ZNF827: variants seen among roughly 807,000 people sequenced by gnomAD.
The protein encoded by ZNF827 is zinc finger protein 827.
In ZNF827, 13 loss-of-function variants were observed where a neutral mutation model predicts 102.4. That is an observed-to-expected ratio of 0.13 (90% CI 0.08 to 0.20). The LOEUF (loss-of-function observed/expected upper bound fraction) is 0.20. ZNF827 is among the 10% of genes least tolerant of loss of function. The pLI is 1.00. For synonymous variants in ZNF827, 523 were observed against 536.2 expected (o/e 0.98, Z 0.34); for missense variants, 1,103 against 1,344.4 (o/e 0.82, Z 2.81).
At chr4:145,849,252 A>G (rs1239788345) in intron 6 of ZNF827, 70 bp downstream of exon 6, 1 of 1,535,744 alleles carries the variant, frequency 6.5e-7, no homozygotes, top group Non-Finnish European at 8.7e-7. Context: ...TTTTTTTAAA[A>G]AAAACTGTGT....
chr4:145,825,877 A>C (rs1223811233), intron 7 of ZNF827, among the ~76,000 whole-genome samples: 2 of 152,220 alleles, frequency 1.3e-5, no homozygotes, highest in Non-Finnish European at 2.9e-5. Flanking sequence ...TGCATAGAAA[A>C]GAAAAGATTT....
chr4:145,859,071 T>C (rs1747455559), intron 5 of ZNF827, among the ~76,000 whole-genome samples: 1 of 152,208 alleles, frequency 6.6e-6, no homozygotes. Context: ...TACTTCACTC[T>C]TGTTGGTCAA....
chr4:145,864,979 C>T (rs1748052308), intron 5 of ZNF827, among the ~76,000 whole-genome samples: 1 of 152,130 alleles, frequency 6.6e-6, no homozygotes, highest in Non-Finnish European at 1.5e-5. Flanking sequence ...AGGGAAAATA[C>T]CAAATAAGCA....
intron 1 of ZNF827, among the ~76,000 whole-genome samples, chr4:145,930,227 C>T (rs1753703524): frequency 6.6e-6 from 1 of 152,222 alleles, no homozygotes; most frequent in African/African-American, 2.4e-5. Flanking sequence ...AGCACAGTAG[C>T]TTGTTTCAAA....
intron 8 of ZNF827, among the ~76,000 whole-genome samples, chr4:145,812,657 A>T (rs544795234): frequency 2.6e-5 from 4 of 152,090 alleles, no homozygotes; most frequent in Non-Finnish European, 2.9e-5. Context: ...CCTCCTGGGT[A>T]GGTGGGACTA....
chr4:145,829,465 T>G (rs1424730953), intron 7 of ZNF827, among the ~76,000 whole-genome samples: 1 of 152,228 alleles, frequency 6.6e-6, no homozygotes, highest in East Asian at 1.9e-4. Context: ...TTATCATATA[T>G]TCAGCCATAT....
At position 145,878,646 on chromosome 4, in the gene ZNF827, A is replaced by G. The variant is rs1232320311; in HGVS notation, c.1747+7032T>C. Among the ~76,000 whole-genome samples, 5 of 146,670 alleles carry G rather than the reference A, an allele frequency of 3.4e-5. 1 individual carries two copies. The highest frequency in any genetic ancestry group is 3.4e-4 in the Admixed American group (5 of 14,894). On this transcript the variant is annotated intron_variant, in intron 4 of 14. Coordinates refer to ENST00000508784, the MANE Select transcript of ZNF827 (RefSeq NM_001306215.2). ...AAAGGAAAGGAAAGGAAAGGAAAGGAAAGGAAAGGAAAGGGAGAGAGAGAA... is the reference window on the plus strand; with the variant it reads ...AAAGGAAAGGAAAGGAAAGGAAAGGGAAGGAAAGGAAAGGGAGAGAGAGAA...
intron 8 of ZNF827, among the ~76,000 whole-genome samples, chr4:145,787,733 A>T (rs1739095975): frequency 6.6e-6 from 1 of 152,154 alleles, no homozygotes; most frequent in African/African-American, 2.4e-5. Context: ...TTCAGGTGAC[A>T]GTTCTATCAA....
At chr4:145,827,057 G>A (rs1743758293) in intron 7 of ZNF827, among the ~76,000 whole-genome samples, 2 of 152,170 alleles carry the variant, frequency 1.3e-5, no homozygotes, top group Non-Finnish European at 2.9e-5. Flanking sequence ...AACCACTGTG[G>A]GTCTTGAAAC....
In ZNF827 at chr4:145,904,878, T is replaced by G. The variant is rs1266858903; in HGVS notation, c.44-1663A>C. Among the ~76,000 whole-genome samples the G allele has an allele frequency of 3.3e-5, 5 of 152,180 alleles. No homozygotes were observed. The East Asian group carries it at 9.6e-4, about 29-fold the overall frequency. ...GCGAGTGTTATGACATGACTTATGT[T>G]GTCAAAGCATTGTTCTGGCTGCTGT... is the stretch of plus-strand genomic sequence containing the variant. On this transcript the variant is annotated intron_variant, in intron 1 of 14. Transcript: ENST00000508784.
chr4:145,796,748 G>C (rs1276304209), intron 8 of ZNF827, among the ~76,000 whole-genome samples: 1 of 149,992 alleles, frequency 6.7e-6, no homozygotes, highest in Non-Finnish European at 1.5e-5. Context: ...TCCTGCCTCA[G>C]CCTCCCAAGT....
chr4:145,915,053 C>T (rs1752572966), intron 1 of ZNF827, among the ~76,000 whole-genome samples: 2 of 152,202 alleles, frequency 1.3e-5, no homozygotes, highest in Admixed American at 1.3e-4. Flanking sequence ...GCCCTTGGGG[C>T]CACACGTAGT....
At chr4:145,891,657 C>T (rs1318778469) in intron 3 of ZNF827, among the ~76,000 whole-genome samples, 1 of 152,176 alleles carries the variant, frequency 6.6e-6, no homozygotes, top group Non-Finnish European at 1.5e-5. Context: ...CAATGACAGC[C>T]TCAATGAGGA....
intron 7 of ZNF827, among the ~76,000 whole-genome samples, chr4:145,828,242 C>T (rs1339914818): frequency 6.6e-6 from 1 of 152,208 alleles, no homozygotes; most frequent in Non-Finnish European, 1.5e-5. Flanking sequence ...CACCATATAG[C>T]CCTTGCTTCT....
chr4:145,908,106 G>C lies in ZNF827; in HGVS notation c.44-4891C>G, dbSNP rs796529355. On this transcript the variant is annotated intron_variant, in intron 1 of 14. Coordinates refer to ENST00000508784, the MANE Select transcript of ZNF827 (RefSeq NM_001306215.2). ...AGTTTTAATCAGATGCATTTAATTG[G>C]ACCAATATACATCTCAGAGCATCCT... Among the ~76,000 whole-genome samples, 15 of 152,090 alleles carry C rather than the reference G, an allele frequency of 9.9e-5. 1 individual carries two copies. The highest frequency in any genetic ancestry group is 3.4e-4 in the African/African-American group (14 of 41,482).
At chr4:145,840,686 T>C (rs1487096475) in intron 7 of ZNF827, among the ~76,000 whole-genome samples, 1 of 152,258 alleles carries the variant, frequency 6.6e-6, no homozygotes, top group Non-Finnish European at 1.5e-5. Context: ...TAAGGTAATA[T>C]AGCATTATTC....
chr4:145,770,601 T>C (rs1214864708), intron 11 of ZNF827, among the ~76,000 whole-genome samples: 1 of 151,760 alleles, frequency 6.6e-6, no homozygotes, highest in African/African-American at 2.4e-5. Context: ...TAATAAAATA[T>C]AATAATAATG....
rs1462459423 is a variant in ZNF827, at chr4:145,761,713, C to T, written c.*18-115G>A. 3 of 624,572 alleles carry T rather than the reference C, an allele frequency of 4.8e-6. No homozygotes were observed. Among genetic ancestry groups the T allele is most frequent in the Admixed American group, 3.6e-5 (1 of 27,974 alleles). The allele number at this position is 624,572 out of a possible 1,614,324, so 38.7% of individuals were successfully genotyped here. ...CACCCCCCAGTGTCTGAGGCCTGGC[C>T]TGCCCAGCCCAGCCCAGCCCTGCCG... On this transcript the variant is annotated intron_variant, in intron 14 of 14. Transcript: ENST00000508784. The surrounding 1 kb of genome is among the most constrained non-coding windows in gnomAD (Gnocchi z 6.8).
intron 5 of ZNF827, among the ~76,000 whole-genome samples, chr4:145,861,529 G>A (rs947356458): frequency 6.6e-5 from 10 of 152,284 alleles, no homozygotes; most frequent in Admixed American, 1.3e-4. Context: ...CGGCCTCTCC[G>A]TTTGTGCCCC....
Sources: gnomAD v4.1 joint callset for allele counts (sites outside exome capture counted in the v4.1 genomes callset) on GRCh38, gnomAD v4.1.1 for gene constraint, Gnocchi (gnomAD v3.1) non-coding constraint, MANE v1.5 for transcripts, NCBI Gene and HGNC (gene_info 2026-07-23, HGNC 2026-07-21) for gene names.